PRPF18: variants seen among roughly 807,000 people sequenced by gnomAD.
The protein encoded by PRPF18 is pre-mRNA-splicing factor 18.
In PRPF18, 38 loss-of-function variants were observed where a neutral mutation model predicts 46.5. That is an observed-to-expected ratio of 0.82 (90% CI 0.63 to 1.07). PRPF18 has a LOEUF of 1.07. Among genes scored for constraint, PRPF18 ranks in the 50% least tolerant of loss-of-function variants. The pLI is 0.00. For missense variants in PRPF18, 263 were observed against 410.0 expected, an observed-to-expected ratio of 0.64 and a Z score of 3.10; for synonymous variants, 152 against 146.7, an observed-to-expected ratio of 1.04 and a Z score of -0.26.
chr10:13,627,046 C>G (rs1441404787), intron 9 of PRPF18, among the ~76,000 whole-genome samples: 1 of 152,104 alleles, frequency 6.6e-6, no homozygotes, highest in Admixed American at 6.5e-5. Flanking sequence ...TTGCTCCTCT[C>G]CAGTTTCTTA....
chr10:13,623,082 T>G (rs2080443635), intron 9 of PRPF18, among the ~76,000 whole-genome samples: 1 of 151,984 alleles, frequency 6.6e-6, no homozygotes, highest in Non-Finnish European at 1.5e-5. Flanking sequence ...GCGCCTGTAG[T>G]CCCAGCTACT....
chr10:13,615,256 G>GTGATC (rs1232237661), intron 8 of PRPF18, among the ~76,000 whole-genome samples: 5 of 152,092 alleles, frequency 3.3e-5, no homozygotes, highest in African/African-American at 1.2e-4. Flanking sequence ...GCTTTTTCTC[G>GTGATC]TGATCACATA....
chr10:13,597,354 A>G, intron 1 of PRPF18, 104 bp from the exon 2 acceptor site: 4 of 749,968 alleles, frequency 5.3e-6, no homozygotes, highest in Non-Finnish European at 8.3e-6. Context: ...AATTCTTGAA[A>G]AACTGAAGAG....
At chr10:13,634,995 G>A (rs796424976), downstream of PRPF18, among the ~76,000 whole-genome samples, 7 of 152,094 alleles carry the variant, frequency 4.6e-5, no homozygotes, top group African/African-American at 9.6e-5. Context: ...CCTATCACCC[G>A]GATATTAAGC....
chr10:13,609,980 G>A, intron 4 of PRPF18, 59 bp from the exon 5 acceptor site: 6 of 1,477,868 alleles, frequency 4.1e-6, no homozygotes, highest in Non-Finnish European at 4.6e-6. Flanking sequence ...AATCAAAGGT[G>A]AAAAAACAGG....
At chr10:13,633,603 A>G (rs2080609590), downstream of PRPF18, among the ~76,000 whole-genome samples, 1 of 152,134 alleles carries the variant, frequency 6.6e-6, no homozygotes, top group African/African-American at 2.4e-5. Flanking sequence ...CATGAGGTTA[A>G]TGCTTCACAC....
In PRPF18 at chr10:13,593,413, T is replaced by G. The variant is rs540011893; in HGVS notation, c.67-4045T>G. On this transcript the variant is annotated intron_variant, in intron 1 of 9. Coordinates refer to ENST00000378572, the MANE Select transcript of PRPF18 (RefSeq NM_003675.4). ...TCTCTTTGGATTTGTATCTTAGACA[T>G]TATTTATGACCCCAAGGAGGTTTTT... Among the ~76,000 whole-genome samples, 10 of 152,240 alleles carry G rather than the reference T, an allele frequency of 6.6e-5. No homozygotes were observed. The East Asian group carries it at 1.9e-3, about 29-fold the overall frequency.
chr10:13,625,049 A>G (rs557754126), intron 9 of PRPF18, among the ~76,000 whole-genome samples: 3 of 152,334 alleles, frequency 2.0e-5, no homozygotes, highest in African/African-American at 7.2e-5. Context: ...TAATATCCTT[A>G]GAGGCCAAGC....
intron 1 of PRPF18, among the ~76,000 whole-genome samples, chr10:13,594,369 A>G (rs2080005913): frequency 6.6e-6 from 1 of 152,212 alleles, no homozygotes; most frequent in African/African-American, 2.4e-5. Context: ...AGTAGTTAGA[A>G]AAAGGAGTAT....
intron 1 of PRPF18, among the ~76,000 whole-genome samples, chr10:13,587,880 C>G (rs773028318): frequency 3.9e-5 from 6 of 152,156 alleles, no homozygotes; most frequent in African/African-American, 1.4e-4. Flanking sequence ...GCCAAGGACC[C>G]GGGCAACTTA....
intron 3 of PRPF18, among the ~76,000 whole-genome samples, chr10:13,603,982 A>G (rs1352949475): frequency 6.6e-6 from 1 of 152,246 alleles, no homozygotes; most frequent in East Asian, 1.9e-4. Flanking sequence ...AGTTTCATAA[A>G]GTGGAACTGG....
intron 4 of PRPF18, among the ~76,000 whole-genome samples, chr10:13,609,551 G>A (rs1010025510): frequency 4.6e-5 from 7 of 152,276 alleles, no homozygotes; most frequent in Admixed American, 6.5e-5. Context: ...CATAAAATGC[G>A]AATTTGCTGG....
chr10:13,650,582 T>C, the PRPF18 span, among the ~76,000 whole-genome samples: 1 of 152,196 alleles, frequency 6.6e-6, no homozygotes, highest in Non-Finnish European at 1.5e-5. Flanking sequence ...AAGGCCATTC[T>C]TCCTACTTCA....
At chr10:13,646,361 G>A in the PRPF18 span, 3 of 152,512 alleles carry the variant, frequency 2.0e-5, no homozygotes, top group African/African-American at 7.2e-5. Context: ...AGAACTGATT[G>A]TGGTCCTCCG....
chr10:13,616,655 C>T, intron 9 of PRPF18, 102 bp downstream of exon 9: 1 of 1,446,398 alleles, frequency 6.9e-7, no homozygotes, highest in Non-Finnish European at 9.6e-7. Flanking sequence ...GCAAATAGAA[C>T]ATAGCGTGAT....
chr10:13,639,584 T>C, the PRPF18 span: 1 of 152,170 alleles, frequency 6.6e-6, no homozygotes, highest in African/African-American at 2.4e-5. Flanking sequence ...AGCTAAAAAT[T>C]AGTTTGTCTT....
chr10:13,628,284 T>C (rs73580245), intron 9 of PRPF18, among the ~76,000 whole-genome samples: 1 of 152,354 alleles, frequency 6.6e-6, no homozygotes, highest in African/African-American at 2.4e-5. Flanking sequence ...ACAGTCTTGT[T>C]TCTCTGATGT....
At chr10:13,611,397 C>T (rs1037083158) in intron 5 of PRPF18, among the ~76,000 whole-genome samples, 1 of 152,106 alleles carries the variant, frequency 6.6e-6, no homozygotes, top group Non-Finnish European at 1.5e-5. Context: ...TTCATTACCC[C>T]CTCTTGACTT....
chr10:13,620,223 A>G (rs1214217590), intron 9 of PRPF18, among the ~76,000 whole-genome samples: 3 of 152,246 alleles, frequency 2.0e-5, no homozygotes, highest in East Asian at 3.8e-4. Context: ...CTACTCACCC[A>G]TGCAGCTAAG....
Sources: allele counts gnomAD v4.1 joint callset (sites outside exome capture counted in the v4.1 genomes callset), GRCh38; gene constraint gnomAD v4.1.1; transcripts MANE v1.5; gene names NCBI Gene and HGNC (gene_info 2026-07-23, HGNC 2026-07-21).